MRPL58: variants seen among roughly 807,000 people sequenced by gnomAD.
MRPL58 encodes mitochondrial ribosomal protein L58.
A neutral mutation model predicts 26.0 loss-of-function variants in MRPL58; 17 were observed. The observed-to-expected ratio is 0.65, with a 90% CI of 0.45 to 0.98. MRPL58 has a LOEUF of 0.98. MRPL58 is among the 50% of genes least tolerant of loss of function. MRPL58 has a pLI of 0.00. For missense variants in MRPL58, 250 were observed against 269.0 expected (o/e 0.93, Z 0.49); for synonymous variants, 100 against 99.7 (o/e 1.00, Z -0.02).
At chr17:75,014,700 G>A (rs71380854) in intron 1 of MRPL58, among the ~76,000 whole-genome samples, 8 of 151,642 alleles carry the variant, frequency 5.3e-5, no homozygotes, top group Non-Finnish European at 1.2e-4. Flanking sequence ...GCTCGCCTCA[G>A]CCTCCCAAAG....
chr17:75,012,824 C>T lies in MRPL58; in HGVS notation c.138C>T (p.Asp46=), dbSNP rs765619736. Reference sequence around the variant, plus strand: ...AGTTCAAGAGCATCTACAGCCTGGACAAGCTCTACCCCGAATCTCAGGGCT... The same window carrying T: ...AGTTCAAGAGCATCTACAGCCTGGATAAGCTCTACCCCGAATCTCAGGGCT... ...GTEFKSIYSL[D]KLYPESQGSD... The change falls in exon 1 of 6, where the codon GAC becomes GAT. Residue 46 remains aspartate (D), a synonymous_variant. Transcript: ENST00000301585. 3.1e-6 allele frequency: 5 copies of T among 1,612,656 alleles called. No homozygotes were observed. In the South Asian group the frequency reaches 4.4e-5, roughly 14 times the overall value.
intron 3 of MRPL58, 184 bp from the exon 4 acceptor site, chr17:75,020,129 A>T: frequency 1.8e-6 from 1 of 563,262 alleles, no homozygotes; most frequent in Non-Finnish European, 3.1e-6. Flanking sequence ...CTGGAAGTCT[A>T]TTTTTGCCCA....
chr17:75,020,153 G>C (rs2040004693), intron 3 of MRPL58, 160 bp from the exon 4 acceptor site: 1 of 611,266 alleles, frequency 1.6e-6, no homozygotes. Flanking sequence ...GTGCCTCACT[G>C]TCTTTGCGGG....
At chr17:75,019,310 T>A (rs1489952139) in intron 2 of MRPL58, among the ~76,000 whole-genome samples, 1 of 152,058 alleles carries the variant, frequency 6.6e-6, no homozygotes, top group Non-Finnish European at 1.5e-5. Context: ...CCTCCCACAC[T>A]CTCATGGATC....
intron 3 of MRPL58, 71 bp from the exon 4 acceptor site, chr17:75,020,235 ATGGTCAC>A: frequency 9.0e-7 from 1 of 1,108,318 alleles, no homozygotes; most frequent in Non-Finnish European, 1.4e-6. Flanking sequence ...TTATTTCAGA[ATGGTCAC>A]TGGTCACCCA....
rs1283558108 is a variant in MRPL58 at position 75,017,059 on chromosome 17, T to C, written c.187-19T>C. 3.7e-6 allele frequency: 6 copies of C among 1,601,254 alleles called. No homozygotes were observed. The highest frequency in any genetic ancestry group is 1.1e-5 in the South Asian group (1 of 90,832). ...CCAGCAGGTAATATTTATTTGACAC[T>C]GTGTACATTACATTACAGAATGGTG... On this transcript the variant is annotated intron_variant, in intron 1 of 5. Coordinates refer to ENST00000301585, the MANE Select transcript of MRPL58 (RefSeq NM_001545.3).
At chr17:75,014,333 C>T (rs1010911468) in intron 1 of MRPL58, among the ~76,000 whole-genome samples, 1 of 149,948 alleles carries the variant, frequency 6.7e-6, no homozygotes, top group African/African-American at 2.5e-5. Flanking sequence ...CTACAGGCGC[C>T]CACCACTACA....
At chr17:75,017,575 C>T (rs1315035914) in intron 2 of MRPL58, among the ~76,000 whole-genome samples, 1 of 152,098 alleles carries the variant, frequency 6.6e-6, no homozygotes, top group Non-Finnish European at 1.5e-5. Flanking sequence ...ATGGCAAAGC[C>T]CCATCTCTAC....
In MRPL58 at chr17:75,020,480, C is replaced by G. The variant is rs1217185662; in HGVS notation, c.367-8C>G. On this transcript the variant is annotated splice_region_variant and splice_polypyrimidine_tract_variant and intron_variant, in intron 4 of 5. Coordinates refer to ENST00000301585, the MANE Select transcript of MRPL58 (RefSeq NM_001545.3). The stretch of plus-strand genomic sequence containing the variant: ...GTAGGACTCCAGTTTTTCATTTGTT[C>G]TCTGCAGCATAAAAACAAGATCAAC... The G allele has an allele frequency of 6.2e-7, 1 of 1,613,856 alleles. No individual in the cohort carries two copies. Among genetic ancestry groups the G allele is most frequent in the African/African-American group, 1.3e-5 (1 of 75,010 alleles).
intron 2 of MRPL58, among the ~76,000 whole-genome samples, chr17:75,018,042 A>C (rs1430827309): frequency 6.6e-6 from 1 of 152,188 alleles, no homozygotes; most frequent in Non-Finnish European, 1.5e-5. Context: ...TCTTTGCAGC[A>C]TTATTTAGAA....
intron 1 of MRPL58, among the ~76,000 whole-genome samples, chr17:75,013,956 G>A (rs1228961143): frequency 6.6e-6 from 1 of 152,134 alleles, no homozygotes; most frequent in Non-Finnish European, 1.5e-5. Flanking sequence ...AGTTTTACAA[G>A]GATCACTCAG....
chr17:75,013,640 C>T (rs2039950146), intron 1 of MRPL58, among the ~76,000 whole-genome samples: 1 of 152,108 alleles, frequency 6.6e-6, no homozygotes, highest in Non-Finnish European at 1.5e-5. Context: ...AGTAGGGTTG[C>T]AATTTTAAGT....
intron 1 of MRPL58, 93 bp from the exon 2 acceptor site, chr17:75,016,985 T>A (rs2039978764): frequency 1.1e-6 from 1 of 910,870 alleles, no homozygotes; most frequent in African/African-American, 1.6e-5. Flanking sequence ...AATGTTTGTG[T>A]TGTGGCTTTA....
intron 1 of MRPL58, among the ~76,000 whole-genome samples, chr17:75,015,113 G>A (rs745532236): frequency 2.8e-4 from 43 of 152,210 alleles, no homozygotes; most frequent in Admixed American, 5.9e-4. Flanking sequence ...GAGAAGAGAC[G>A]TTGAGTAGCA....
At chr17:75,019,035 C>T (rs2039995582) in intron 2 of MRPL58, among the ~76,000 whole-genome samples, 2 of 151,740 alleles carry the variant, frequency 1.3e-5, no homozygotes, top group South Asian at 4.2e-4. Flanking sequence ...CCCTTGAGCC[C>T]GGGATGTTCG....
At chr17:75,012,900 G>C in intron 1 of MRPL58, 28 bp downstream of exon 1, 1 of 1,589,488 alleles carries the variant, frequency 6.3e-7, no homozygotes, top group Non-Finnish European at 8.5e-7. Context: ...GGACGGAAGG[G>C]GCGTTTTGTC....
At position 75,020,513 on chromosome 17, in the gene MRPL58, G is replaced by A; in HGVS notation, c.392G>A (p.Gly131Glu). 1.2e-6 allele frequency: 2 copies of A among 1,614,116 alleles called. No homozygotes were observed. The highest frequency in any genetic ancestry group is 2.2e-5 in the South Asian group (2 of 91,078). ...CATAAAAACAAGATCAACAGGTTAG[G>A]AGAGTTGATCCTCACCTCTGAGAGC... Reference protein sequence around the residue: ...ITHKNKINRLGELILTSESSR... With the variant: ...ITHKNKINRLEELILTSESSR... The change falls in exon 5 of 6, where the codon GGA becomes GAA. Residue 131 changes from glycine to glutamate, a missense_variant. By Grantham distance (98) the Gly-to-Glu change is moderately conservative. Coordinates refer to ENST00000301585, the MANE Select transcript of MRPL58 (RefSeq NM_001545.3).
intron 1 of MRPL58, among the ~76,000 whole-genome samples, chr17:75,015,456 C>G (rs905564875): frequency 2.0e-5 from 3 of 152,198 alleles, no homozygotes; most frequent in Admixed American, 6.5e-5. Context: ...TGCACTCCAA[C>G]CTGGGCGACA....
At position 75,020,654 on chromosome 17, in the gene MRPL58, T is replaced by C. The variant is rs1171568301; in HGVS notation, c.533T>C (p.Ile178Thr). ...PTKEDVKLHRIRIENMNRERL... is the reference protein window; with the variant it reads ...PTKEDVKLHRTRIENMNRERL... ...AAAGAAGATGTTAAACTTCATAGAA[T>C]CAGGTACCAGGAAATGCCCTAAGAT... The change falls in exon 5 of 6, where the codon ATC becomes ACC. Residue 178 changes from isoleucine (I) to threonine (T), a missense_variant. Coordinates refer to ENST00000301585, the MANE Select transcript of MRPL58 (RefSeq NM_001545.3). 6 of 1,613,714 alleles carry C rather than the reference T, an allele frequency of 3.7e-6. No homozygotes were observed. The highest frequency in any genetic ancestry group is 3.4e-6 in the Non-Finnish European group (4 of 1,179,902).
Sources: gnomAD v4.1 joint callset for allele counts (sites outside exome capture counted in the v4.1 genomes callset) on GRCh38, gnomAD v4.1.1 for gene constraint, MANE v1.5 for transcripts, NCBI Gene and HGNC (gene_info 2026-07-23, HGNC 2026-07-21) for gene names.